The following FNDC3B variants were observed in gnomAD, a reference collection of about 807,000 sequenced individuals.
FNDC3B encodes fibronectin type III domain containing 3B.
In FNDC3B, 12 loss-of-function variants were observed where a neutral mutation model predicts 151.5. The ratio of observed to expected loss-of-function variants is 0.08; its 90% CI spans 0.05 to 0.13. The LOEUF (loss-of-function observed/expected upper bound fraction) is 0.13. Ranked by LOEUF, FNDC3B falls within the 10% of genes least tolerant of loss-of-function variation. The pLI is 1.00. For missense variants in FNDC3B, 1,214 were observed against 1,505.3 expected (o/e 0.81, Z 3.20); for synonymous variants, 528 against 549.0 (o/e 0.96, Z 0.54).
chr3:172,261,327 A>G (rs1010137900), intron 6 of FNDC3B, among the ~76,000 whole-genome samples: 1 of 152,168 alleles, frequency 6.6e-6, no homozygotes, highest in Non-Finnish European at 1.5e-5. Flanking sequence ...TCCTGCTGCT[A>G]TGTCAACATC....
At chr3:172,333,275 G>T in intron 14 of FNDC3B, 100 bp downstream of exon 14, 3 of 782,028 alleles carry the variant, frequency 3.8e-6, no homozygotes, top group Non-Finnish European at 6.7e-6. Flanking sequence ...AAAAAATGAA[G>T]TTCACAGCAC....
chr3:172,180,860 G>A (rs1723854026), intron 3 of FNDC3B, among the ~76,000 whole-genome samples: 1 of 152,116 alleles, frequency 6.6e-6, no homozygotes, highest in African/African-American at 2.4e-5. Flanking sequence ...AGGTGGGTGT[G>A]ATCTTGTAGA....
chr3:172,372,974 A>C (rs1054263184), intron 23 of FNDC3B, among the ~76,000 whole-genome samples: 9 of 152,322 alleles, frequency 5.9e-5, no homozygotes, highest in African/African-American at 2.2e-4. Context: ...TGGTTAGAGC[A>C]CAGGTCTTCC....
Position 172,329,007 on chromosome 3 carries a change from A to G in FNDC3B, c.1310A>G (p.Lys437Arg), listed in dbSNP as rs967763603. Residue 437 changes from lysine (K) to arginine (R), a missense_variant, in exon 12 of 26, where the codon AAG becomes AGG. Around this residue, in one of 7 missense-constraint regions of FNDC3B, gnomAD observed 156 missense variants for 225.3 expected, o/e 0.69. Transcript: ENST00000415807. ...QCFFGSQKHC[K>R]LTKLCPAMGY... ...TTCTTCGGGAGCCAGAAGCACTGCAAGTTGACAAAGCTTTGTCCGGCAATG... is the reference window on the plus strand; with the variant it reads ...TTCTTCGGGAGCCAGAAGCACTGCAGGTTGACAAAGCTTTGTCCGGCAATG... 1.9e-6 allele frequency: 3 copies of G among 1,613,772 alleles called. No individual in the cohort carries two copies. Among genetic ancestry groups the G allele is most frequent in the Non-Finnish European group, 1.7e-6 (2 of 1,179,902 alleles).
chr3:172,354,384 A>G (rs554773378), intron 22 of FNDC3B, among the ~76,000 whole-genome samples: 1 of 151,976 alleles, frequency 6.6e-6, no homozygotes, highest in East Asian at 1.9e-4. Flanking sequence ...CATAAACTAA[A>G]TATTAGGGAC....
At chr3:172,111,116 AAGAT>A (rs1193198773) in intron 1 of FNDC3B, among the ~76,000 whole-genome samples, 34 of 151,586 alleles carry the variant, frequency 2.2e-4, no homozygotes, top group African/African-American at 7.7e-4. Context: ...AAAAAAAAAA[AAGAT>A]AGGCCTGTGT....
chr3:172,184,985 A>G (rs566495037), intron 3 of FNDC3B, among the ~76,000 whole-genome samples: 1 of 152,372 alleles, frequency 6.6e-6, no homozygotes, highest in South Asian at 2.1e-4. Flanking sequence ...AAGAAGGAAT[A>G]TTCTGACCAC....
chr3:172,203,888 A>G (rs568760028), intron 3 of FNDC3B, among the ~76,000 whole-genome samples: 1 of 152,344 alleles, frequency 6.6e-6, no homozygotes, highest in African/African-American at 2.4e-5. Flanking sequence ...ATAGACAGAC[A>G]TAGCTTCTAA....
At chr3:172,376,715 G>A (rs947275438) in intron 23 of FNDC3B, among the ~76,000 whole-genome samples, 5 of 152,022 alleles carry the variant, frequency 3.3e-5, no homozygotes, top group African/African-American at 1.2e-4. Flanking sequence ...TTTAATAAAA[G>A]GCACTTCCTT....
At chr3:172,262,952 CT>C (rs1728730112) in intron 6 of FNDC3B, among the ~76,000 whole-genome samples, 1 of 139,324 alleles carries the variant, frequency 7.2e-6, no homozygotes, top group African/African-American at 2.6e-5. Flanking sequence ...GAGGGCAGCA[CT>C]TTTCCTTTAT....
chr3:172,094,017 A>G (rs1391190958), intron 1 of FNDC3B, among the ~76,000 whole-genome samples: 1 of 151,966 alleles, frequency 6.6e-6, no homozygotes, highest in Non-Finnish European at 1.5e-5. Context: ...AAATTCTAGA[A>G]CATCGGCATT....
chr3:172,199,709 A>C (rs1725039980), intron 3 of FNDC3B, among the ~76,000 whole-genome samples: 1 of 152,196 alleles, frequency 6.6e-6, no homozygotes, highest in Admixed American at 6.5e-5. Flanking sequence ...AAGACCCCAA[A>C]CATTTCTAAT....
chr3:172,226,697 A>C (rs1157491930), intron 3 of FNDC3B, among the ~76,000 whole-genome samples, 174 bp from the exon 4 acceptor site: 2 of 152,190 alleles, frequency 1.3e-5, no homozygotes, highest in East Asian at 3.8e-4. Flanking sequence ...TAGCTGGAGA[A>C]TTCCTTTTCA....
chr3:172,266,910 G>A (rs1384604251), intron 6 of FNDC3B, among the ~76,000 whole-genome samples: 1 of 152,170 alleles, frequency 6.6e-6, no homozygotes, highest in Non-Finnish European at 1.5e-5. Flanking sequence ...TCCAGCATCT[G>A]TGTTCTAGAA....
intron 3 of FNDC3B, among the ~76,000 whole-genome samples, chr3:172,188,201 G>A (rs1484325648): frequency 2.0e-5 from 3 of 151,208 alleles, no homozygotes; most frequent in African/African-American, 7.3e-5. Context: ...CTCCATGTTG[G>A]TCAGGCTGGT....
At chr3:172,220,338 A>G (rs918355286) in intron 3 of FNDC3B, among the ~76,000 whole-genome samples, 1 of 152,108 alleles carries the variant, frequency 6.6e-6, no homozygotes, top group Admixed American at 6.5e-5. Flanking sequence ...AGAAATGTCT[A>G]TTCAATTCCT....
intron 4 of FNDC3B, among the ~76,000 whole-genome samples, chr3:172,236,125 A>G (rs767720738): frequency 1.3e-5 from 2 of 152,234 alleles, no homozygotes; most frequent in Non-Finnish European, 2.9e-5. Context: ...TATTTGATCC[A>G]TTTTAGTATC....
chr3:172,251,822 A>G (rs967373416), intron 6 of FNDC3B, among the ~76,000 whole-genome samples: 3 of 152,148 alleles, frequency 2.0e-5, no homozygotes, highest in African/African-American at 7.2e-5. Flanking sequence ...ATGTTAGCCT[A>G]CTTCTGTTGT....
chr3:172,131,493 ATAATT>A (rs1288425906), intron 2 of FNDC3B, among the ~76,000 whole-genome samples: 2 of 152,204 alleles, frequency 1.3e-5, no homozygotes, highest in Admixed American at 1.3e-4. Flanking sequence ...TACATTGGTG[ATAATT>A]TAAATACTGA....
Sources: allele counts gnomAD v4.1 joint callset (sites outside exome capture counted in the v4.1 genomes callset), GRCh38; gene constraint gnomAD v4.1.1; regional missense constraint gnomAD v4.1.1; transcripts MANE v1.5; gene names NCBI Gene and HGNC (gene_info 2026-07-23, HGNC 2026-07-21).